The following ABI3 variants were observed in gnomAD, a reference collection of about 807,000 sequenced individuals.
The protein encoded by ABI3 is ABI family member 3.
A neutral mutation model predicts 37.0 loss-of-function variants in ABI3; 24 were observed. The ratio of observed to expected loss-of-function variants is 0.65; its 90% CI spans 0.47 to 0.91. ABI3 has a LOEUF of 0.91. ABI3 is among the 40% of genes least tolerant of loss of function. The pLI is 0.00. For synonymous variants in ABI3, 220 were observed against 211.8 expected (o/e 1.04, Z -0.34); for missense variants, 481 against 485.1 (o/e 0.99, Z 0.08).
chr17:49,217,963 C>T (rs765907193), intron 3 of ABI3, 48 bp downstream of exon 3: 3 of 1,461,190 alleles, frequency 2.1e-6, no homozygotes, highest in Non-Finnish European at 1.8e-6. Flanking sequence ...CCTCTCGTGC[C>T]TTGTGGCCCC....
intron 1 of ABI3, among the ~76,000 whole-genome samples, chr17:49,212,987 G>C (rs1567880653): frequency 6.6e-6 from 1 of 152,212 alleles, no homozygotes. Flanking sequence ...TGCACACACA[G>C]TGTGCACACA....
chr17:49,218,770 A>ATTTTTTTTTTT (rs71144583), intron 3 of ABI3, among the ~76,000 whole-genome samples: 2 of 131,784 alleles, frequency 1.5e-5, no homozygotes, highest in African/African-American at 3.0e-5. Context: ...TGCCCGGCTA[A>ATTTTTTTTTTT]TTTTTTTTTT....
chr17:49,221,704 C>T (rs1285503661), intron 6 of ABI3, among the ~76,000 whole-genome samples: 1 of 152,076 alleles, frequency 6.6e-6, no homozygotes, highest in African/African-American at 2.4e-5. Flanking sequence ...AGGAAGATTG[C>T]ATGAAATGGG....
At position 49,222,651 on chromosome 17, in the gene ABI3, G is replaced by A. The variant is rs752434272; in HGVS notation, c.1037G>A (p.Cys346Tyr). ...ACTCGCCGCTACTCCGATGGCTGGT[G>A]CGAGGGCGTCAGCTCAGAGGGGACT... Reference protein sequence around the residue: ...CVTRRYSDGWCEGVSSEGTGF... With the variant: ...CVTRRYSDGWYEGVSSEGTGF... Residue 346 changes from cysteine (C) to tyrosine (Y), a missense_variant, in exon 8 of 8, where the codon TGC becomes TAC. Transcript: ENST00000225941. The A allele has an allele frequency of 6.8e-6, 11 of 1,612,536 alleles. No homozygotes were observed. The highest frequency in any genetic ancestry group is 9.3e-6 in the Non-Finnish European group (11 of 1,179,516).
chr17:49,220,626 C>T (rs1176246173), intron 6 of ABI3, among the ~76,000 whole-genome samples: 1 of 152,104 alleles, frequency 6.6e-6, no homozygotes, highest in African/African-American at 2.4e-5. Flanking sequence ...GCGCGGATCA[C>T]CTGAGGTCGG....
At chr17:49,217,947 A>C in intron 3 of ABI3, 32 bp downstream of exon 3, 1 of 1,476,770 alleles carries the variant, frequency 6.8e-7, no homozygotes. Flanking sequence ...TTTCCCTCCA[A>C]CCCACCCTCT....
intron 1 of ABI3, 101 bp from the exon 2 acceptor site, chr17:49,216,430 T>A (rs1598240939): frequency 8.3e-7 from 1 of 1,205,250 alleles, no homozygotes; most frequent in Non-Finnish European, 1.1e-6. Flanking sequence ...TCTCTCCCAA[T>A]CCAGCCCCTA....
In ABI3 at chr17:49,222,514, G is replaced by A. The variant is rs373760162; in HGVS notation, c.938-38G>A. The A allele has an allele frequency of 1.1e-5, 17 of 1,607,534 alleles. 1 individual carries two copies. The African/African-American group carries it at 1.3e-4, about 13-fold the overall frequency. The stretch of plus-strand genomic sequence containing the variant: ...GGGGGGTGAGGGGGAGAGGGCAAGA[G>A]GCATTATCTCACGGCACCCTCTTCT... On this transcript the variant is annotated intron_variant, in intron 7 of 7. Transcript: ENST00000225941.
At position 49,222,854 on chromosome 17, in the gene ABI3, C is replaced by G. The variant is rs1049700357; in HGVS notation, c.*139C>G. 3.0e-6 allele frequency: 3 copies of G among 991,744 alleles called. No homozygotes were observed. The highest frequency in any genetic ancestry group is 4.3e-6 in the Non-Finnish European group (3 of 694,520). 61.4% of individuals were successfully genotyped at this position (991,744 alleles called of 1,614,324 possible). Reference sequence around the variant, plus strand: ...AGCTGTGTTCTGTCCTTCCTCCCATCGGAGGGAGAAGGGGTCCTGGGGAGA... The same window carrying G: ...AGCTGTGTTCTGTCCTTCCTCCCATGGGAGGGAGAAGGGGTCCTGGGGAGA... On this transcript the variant is annotated 3_prime_UTR_variant, in exon 8 of 8. Transcript: ENST00000225941.
At position 49,219,936 on chromosome 17, in the gene ABI3, T is replaced by C; in HGVS notation, c.627T>C (p.Phe209=). Residue 209 remains phenylalanine (F), a synonymous_variant, in exon 5 of 8, where the codon TTT becomes TTC. Coordinates refer to ENST00000225941, the MANE Select transcript of ABI3 (RefSeq NM_016428.3). This position sits in a 1 kb window ranked among gnomAD's most constrained non-coding sequence, Gnocchi z 4.3. ...DGRLSAASSA[F]SLASAGSAEG... ...GACTCTCCGCCGCCTCCTCTGCGTT[T>C]TCCCTGGCCTCGGCCGGGTGAGACC... 1 of 1,548,866 alleles carries C rather than the reference T, an allele frequency of 6.5e-7. No homozygotes were observed. Among genetic ancestry groups the C allele is most frequent in the Non-Finnish European group, 8.7e-7 (1 of 1,152,596 alleles).
chr17:49,218,015 T>G, intron 3 of ABI3, 100 bp downstream of exon 3: 2 of 1,231,320 alleles, frequency 1.6e-6, no homozygotes, highest in Non-Finnish European at 2.2e-6. Context: ...TGTCCCCACT[T>G]GCCACTCCTT....
chr17:49,215,499 T>A (rs560778897), intron 1 of ABI3, among the ~76,000 whole-genome samples: 97 of 151,658 alleles, frequency 6.4e-4, no homozygotes, highest in Non-Finnish European at 1.2e-3. Context: ...GAAAGCTTTT[T>A]TTTTTGGTTT....
Position 49,219,872 on chromosome 17 carries a change from T to G in ABI3, c.563T>G (p.Ile188Ser), listed in dbSNP as rs1353515070. Reference protein sequence around the residue: ...ASATLGRPPRIPEPVHLPVVP... With the variant: ...ASATLGRPPRSPEPVHLPVVP... ...CCCCCCGCCAGGAGACCACCCCGGA[T>G]TCCCGAGCCAGTGCACCTGCCGGTG... Residue 188 changes from isoleucine (I) to serine (S), a missense_variant, in exon 5 of 8, where the codon ATT becomes AGT. Ile to Ser is a moderately radical substitution (Grantham distance 142, BLOSUM62 -2). Transcript: ENST00000225941. The surrounding 1 kb of genome is among the most constrained non-coding windows in gnomAD (Gnocchi z 4.3). The G allele has an allele frequency of 1.3e-6, 2 of 1,545,030 alleles. No homozygotes were observed. The highest frequency in any genetic ancestry group is 3.9e-5 in the Admixed American group (2 of 51,782).
chr17:49,223,169 T>C lies in ABI3; in HGVS notation c.*454T>C. The C allele has an allele frequency of 4.9e-6, 2 of 405,234 alleles. No homozygotes were observed. The highest frequency in any genetic ancestry group is 8.7e-6 in the Non-Finnish European group (2 of 230,276). The allele number at this position is 405,234 out of a possible 1,614,324, so 25.1% of individuals were successfully genotyped here. A position where few individuals can be genotyped will look rare whatever the true frequency, so the allele number is the denominator to read the frequency against. On this transcript the variant is annotated 3_prime_UTR_variant, in exon 8 of 8. Transcript: ENST00000225941. ...CAGTACCCACAAAGTGCAGCCCACA[T>C]TGGACCCCAGACACCCCTCTGCAGC...
At position 49,219,852 on chromosome 17, in the gene ABI3, C is replaced by T. The variant is rs1458721834; in HGVS notation, c.549-6C>T. ...CTCCTAATACCCACTCCCTGCCCCC[C>T]GCCAGGAGACCACCCCGGATTCCCG... is the stretch of plus-strand genomic sequence containing the variant. On this transcript the variant is annotated splice_polypyrimidine_tract_variant and splice_region_variant and intron_variant, in intron 4 of 7. Transcript: ENST00000225941. The surrounding 1 kb of genome is among the most constrained non-coding windows in gnomAD (Gnocchi z 4.3). 3.9e-6 allele frequency: 6 copies of T among 1,541,220 alleles called. No individual in the cohort carries two copies. The Admixed American group carries it at 5.8e-5, about 15-fold the overall frequency.
In ABI3 at chr17:49,219,886, C is replaced by A; in HGVS notation, c.577C>A (p.His193Asn). 6.5e-7 allele frequency: 1 copy of A among 1,548,902 alleles called. No individual in the cohort carries two copies. Among genetic ancestry groups the A allele is most frequent in the Non-Finnish European group, 8.7e-7 (1 of 1,152,676 alleles). The stretch of plus-strand genomic sequence containing the variant: ...ACCACCCCGGATTCCCGAGCCAGTG[C>A]ACCTGCCGGTGGTGCCCGACGGCAG... ...GRPPRIPEPV[H>N]LPVVPDGRLS... Residue 193 changes from histidine to asparagine, a missense_variant, in exon 5 of 8, where the codon CAC becomes AAC. Physicochemically the swap from His to Asn is moderately conservative, Grantham distance 68. Transcript: ENST00000225941. This position sits in a 1 kb window ranked among gnomAD's most constrained non-coding sequence, Gnocchi z 4.3.
At chr17:49,216,113 GAAA>G (rs35665132) in intron 1 of ABI3, among the ~76,000 whole-genome samples, 2 of 125,282 alleles carry the variant, frequency 1.6e-5, no homozygotes, top group Non-Finnish European at 3.4e-5. Context: ...CTCCATCTCA[GAAA>G]AAAAAAAAAA....
In ABI3 at chr17:49,220,893, A is replaced by ATAG. The variant is rs1162563352; in HGVS notation, c.802+567_802+568insTAG. 4.9e-5 allele frequency among the ~76,000 whole-genome samples: 7 copies of ATAG among 142,872 alleles called. No homozygotes were observed. The Admixed American group carries it at 4.9e-4, about 10-fold the overall frequency. The allele number at this position is 142,872 out of a possible 152,430, so 93.7% of individuals were successfully genotyped here. ...AATAATAATAATAATAATAATAATA[A>ATAG]ACTTAATCCTAAGGGCCAGGCGGGG... On this transcript the variant is annotated intron_variant, in intron 6 of 7. Coordinates refer to ENST00000225941, the MANE Select transcript of ABI3 (RefSeq NM_016428.3).
At chr17:49,216,464 C>T (rs2043218805) in intron 1 of ABI3, 67 bp from the exon 2 acceptor site, 5 of 1,373,276 alleles carry the variant, frequency 3.6e-6, no homozygotes, top group South Asian at 3.5e-5. Context: ...CTCTCCCATC[C>T]CACCCCAGCC....
Sources: allele counts gnomAD v4.1 joint callset (sites outside exome capture counted in the v4.1 genomes callset), GRCh38; gene constraint gnomAD v4.1.1; non-coding constraint Gnocchi (gnomAD v3.1); transcripts MANE v1.5; gene names NCBI Gene and HGNC (gene_info 2026-07-23, HGNC 2026-07-21).